PCDHA1: variants seen among roughly 807,000 people sequenced by gnomAD.
PCDHA1 encodes the protein protocadherin alpha 1, also known as protocadherin alpha-1.
Under a neutral mutation model 61.3 loss-of-function variants are expected in PCDHA1, and 42 were observed. The observed-to-expected ratio is 0.69, with a 90% CI of 0.54 to 0.89. The LOEUF (loss-of-function observed/expected upper bound fraction) is 0.89, where lower values mean the gene tolerates loss of function less well. Among genes scored for constraint, PCDHA1 ranks in the 40% least tolerant of loss-of-function variants. The probability of loss-of-function intolerance (pLI) is 0.00; values close to 1 mark genes in which losing one functional copy is unlikely to be tolerated. For missense variants in PCDHA1, 1,256 were observed against 1,235.3 expected (o/e 1.02, Z -0.25); for synonymous variants, 610 against 553.8 (o/e 1.10, Z -1.43).
intron 1 of PCDHA1, chr5:140,875,272 A>G: frequency 1.6e-6 from 2 of 1,265,056 alleles, no homozygotes; most frequent in Non-Finnish European, 2.1e-6. Context: ...CTCTACACTC[A>G]GAAGGTGAAA....
chr5:140,898,528 TG>T (rs2066807286), intron 1 of PCDHA1, among the ~76,000 whole-genome samples: 1 of 152,236 alleles, frequency 6.6e-6, no homozygotes, highest in African/African-American at 2.4e-5. Flanking sequence ...CTGAGGGCTC[TG>T]TTCTGTTCCA....
At chr5:140,898,624 A>G (rs1374108541) in intron 1 of PCDHA1, among the ~76,000 whole-genome samples, 13 of 152,248 alleles carry the variant, frequency 8.5e-5, no homozygotes, top group African/African-American at 2.6e-4. Flanking sequence ...CAGGTAGCAT[A>G]ATGCCTCCAG....
rs1398153775 is a variant in PCDHA1, at chr5:140,869,752, G to T, written c.2394+81068G>T. On this transcript the variant is annotated intron_variant, in intron 1 of 3. Coordinates refer to ENST00000504120, the MANE Select transcript of PCDHA1 (RefSeq NM_018900.4). ...TAATTTGCTGCTAACAGCTACAGAC[G>T]GGGGAAAACCAGAGCTTACTGGCAC... 12 of 1,613,018 alleles carry T rather than the reference G, an allele frequency of 7.4e-6. No homozygotes were observed. The highest frequency in any genetic ancestry group is 1.0e-5 in the Non-Finnish European group (12 of 1,179,744).
In PCDHA1 at chr5:140,808,762, C is replaced by A. The variant is rs150405058; in HGVS notation, c.2394+20078C>A. ...TGTACGCGCTGCAGCCGCTGGACCACGAGGAGCTAGAGCTGCTGCAGTTTC... is the reference window on the plus strand; with the variant it reads ...TGTACGCGCTGCAGCCGCTGGACCAAGAGGAGCTAGAGCTGCTGCAGTTTC... On this transcript the variant is annotated intron_variant, in intron 1 of 3. Transcript: ENST00000504120. The A allele has an allele frequency of 1.4e-5, 22 of 1,612,106 alleles. No homozygotes were observed. Among genetic ancestry groups the A allele is most frequent in the Middle Eastern group, 2.1e-4 (1 of 4,852 alleles).
chr5:140,810,185 T>A (rs1764614415), intron 1 of PCDHA1: 1 of 152,278 alleles, frequency 6.6e-6, no homozygotes, highest in African/African-American at 2.4e-5. Context: ...GTAGTTTATT[T>A]ATTTCTGTTT....
In PCDHA1 at chr5:140,787,593, C is replaced by T. The variant is rs1176918159; in HGVS notation, c.1303C>T (p.Leu435=). The change falls in exon 1 of 4, where the codon CTG becomes TTG. Residue 435 remains leucine (L), a synonymous_variant. Coordinates refer to ENST00000504120, the MANE Select transcript of PCDHA1 (RefSeq NM_018900.4). ...VTARDGGSPS[L]WATARVSVEV... The stretch of plus-strand genomic sequence containing the variant: ...CGCGCGGGACGGGGGCTCGCCTTCG[C>T]TGTGGGCCACGGCCAGGGTGTCCGT... The T allele has an allele frequency of 1.9e-6, 3 of 1,614,116 alleles. No individual in the cohort carries two copies. Among genetic ancestry groups the T allele is most frequent in the Non-Finnish European group, 2.5e-6 (3 of 1,180,022 alleles).
rs1472597239 is a variant in PCDHA1, at chr5:140,928,524, TG to T, written c.2395-50424del. 16 of 1,614,070 alleles carry T rather than the reference TG, an allele frequency of 9.9e-6. No individual in the cohort carries two copies. The African/African-American group carries it at 2.1e-4, about 22-fold the overall frequency. On this transcript the variant is annotated intron_variant, in intron 1 of 3. Transcript: ENST00000504120. Reference sequence around the variant, plus strand: ...GTGCAACAGTGACTATAAACTTGTTTGTGGTAGATAGGAATGACAATTATCC... The same window carrying T: ...GTGCAACAGTGACTATAAACTTGTTTTGGTAGATAGGAATGACAATTATCC...
chr5:140,944,582 C>T (rs1273246926), intron 1 of PCDHA1, among the ~76,000 whole-genome samples: 1 of 152,146 alleles, frequency 6.6e-6, no homozygotes, highest in Non-Finnish European at 1.5e-5. Flanking sequence ...GAGATCACTT[C>T]AGAATTTCCC....
rs2150475793 is a variant in PCDHA1, at chr5:140,850,253, C to T, written c.2394+61569C>T. The T allele has an allele frequency of 4.7e-5, 75 of 1,593,644 alleles. 4 individuals carry two copies. The highest frequency in any genetic ancestry group is 6.3e-5 in the Non-Finnish European group (73 of 1,167,036). On this transcript the variant is annotated intron_variant, in intron 1 of 3. Coordinates refer to ENST00000504120, the MANE Select transcript of PCDHA1 (RefSeq NM_018900.4). ...GCGAGATGGTGCTGCGGTCGGTGGG[C>T]GCCGGCGTAGTGGTGGGGAAGGTGC...
At chr5:140,989,041 A>G (rs531223216) in intron 3 of PCDHA1, 1 of 152,340 alleles carries the variant, frequency 6.6e-6, no homozygotes, top group Admixed American at 6.5e-5. Flanking sequence ...GATTCCTTTA[A>G]TATGCCAGCT....
chr5:140,989,597 G>A (rs1168398697), intron 3 of PCDHA1, among the ~76,000 whole-genome samples: 1 of 152,144 alleles, frequency 6.6e-6, no homozygotes, highest in Non-Finnish European at 1.5e-5. Flanking sequence ...ACTGACACAA[G>A]TAAACTAAAA....
intron 1 of PCDHA1, chr5:140,842,864 G>C (rs1554139478): frequency 1.3e-6 from 2 of 1,593,918 alleles, no homozygotes; most frequent in Non-Finnish European, 1.7e-6. Context: ...CACGGAGAGC[G>C]GCAAGGTGTA....
intron 1 of PCDHA1, among the ~76,000 whole-genome samples, chr5:140,937,848 C>G (rs939450579): frequency 1.4e-5 from 2 of 145,938 alleles, no homozygotes; most frequent in African/African-American, 2.5e-5. Flanking sequence ...GAAGGCGGAA[C>G]TTGGAGTGAG....
intron 1 of PCDHA1, chr5:140,861,768 T>TATCA (rs1554155221): frequency 1.3e-5 from 2 of 158,832 alleles, no homozygotes; most frequent in African/African-American, 4.8e-5. Context: ...TCCCTGGAAA[T>TATCA]ACCAAGAGCA....
At chr5:140,987,334 C>A (rs925665306) in intron 3 of PCDHA1, among the ~76,000 whole-genome samples, 1 of 152,086 alleles carries the variant, frequency 6.6e-6, no homozygotes, top group East Asian at 1.9e-4. Flanking sequence ...AAGAACTGGT[C>A]TAAGGTAAAT....
intron 3 of PCDHA1, among the ~76,000 whole-genome samples, chr5:141,002,590 C>T (rs183905414): frequency 6.6e-6 from 1 of 152,294 alleles, no homozygotes; most frequent in East Asian, 1.9e-4. Flanking sequence ...AGTCCTTAGT[C>T]CCCTCATCTA....
At position 140,856,860 on chromosome 5, in the gene PCDHA1, G is replaced by A; in HGVS notation, c.2394+68176G>A. 1.3e-6 allele frequency: 2 copies of A among 1,594,690 alleles called. 1 individual carries two copies. On this transcript the variant is annotated intron_variant, in intron 1 of 3. Transcript: ENST00000504120. ...CTCAACGCTTCTGATTCGGATGAAGGAATAAACAAGGAAATGATGTATTCA... is the reference window on the plus strand; with the variant it reads ...CTCAACGCTTCTGATTCGGATGAAGAAATAAACAAGGAAATGATGTATTCA...
rs562972971 is a variant in PCDHA1, at chr5:140,960,395, A to AG, written c.2395-18547dup. 1.1e-4 allele frequency among the ~76,000 whole-genome samples: 17 copies of AG among 152,266 alleles called. No individual in the cohort carries two copies. The Middle Eastern group carries it at 0.014, about 123-fold the overall frequency. ...TTAAGTGCCAAGACATTAGGATGCAAGGGGGGGTGCCCAAAAAGTCAACAA... is the reference window on the plus strand; with the variant it reads ...TTAAGTGCCAAGACATTAGGATGCAAGGGGGGGGTGCCCAAAAAGTCAACAA... On this transcript the variant is annotated intron_variant, in intron 1 of 3. Coordinates refer to ENST00000504120, the MANE Select transcript of PCDHA1 (RefSeq NM_018900.4).
At chr5:140,799,906 G>A (rs561074351) in intron 1 of PCDHA1, among the ~76,000 whole-genome samples, 15 of 151,890 alleles carry the variant, frequency 9.9e-5, no homozygotes, top group Admixed American at 7.9e-4. Flanking sequence ...TTCCAAATGC[G>A]GCGAGAATTC....
Sources: gnomAD v4.1 joint callset for allele counts (sites outside exome capture counted in the v4.1 genomes callset) on GRCh38, gnomAD v4.1.1 for gene constraint, MANE v1.5 for transcripts, NCBI Gene and HGNC (gene_info 2026-07-23, HGNC 2026-07-21) for gene names.